Variants in ATRNL1 observed in about 807,000 individuals in gnomAD.
The protein encoded by ATRNL1 is attractin like 1.
Under a neutral mutation model 182.7 loss-of-function variants are expected in ATRNL1, and 95 were observed. That is an observed-to-expected ratio of 0.52 (90% CI 0.44 to 0.62). The LOEUF is 0.62. Ranked by LOEUF, ATRNL1 falls within the 20% of genes least tolerant of loss-of-function variation. ATRNL1 has a pLI of 0.00. For missense variants in ATRNL1, 1,471 were observed against 1,679.5 expected, an observed-to-expected ratio of 0.88 and a Z score of 2.17; for synonymous variants, 576 against 568.3, an observed-to-expected ratio of 1.01 and a Z score of -0.19.
At chr10:115,613,265 T>G (rs1857256747) in intron 26 of ATRNL1, among the ~76,000 whole-genome samples, 1 of 152,218 alleles carries the variant, frequency 6.6e-6, no homozygotes. Flanking sequence ...ATCAAACGTT[T>G]TGCCTATGTC....
chr10:115,731,456 G>C (rs1304682612), intron 27 of ATRNL1, among the ~76,000 whole-genome samples: 2 of 151,798 alleles, frequency 1.3e-5, no homozygotes, highest in Non-Finnish European at 2.9e-5. Flanking sequence ...TTTTCACTCA[G>C]TTCTCTTAAT....
chr10:115,609,105 G>A (rs1301297357), intron 26 of ATRNL1, among the ~76,000 whole-genome samples: 2 of 151,878 alleles, frequency 1.3e-5, no homozygotes, highest in Admixed American at 6.6e-5. Context: ...TTATTAAAAC[G>A]GGTTAACACT....
At chr10:115,625,549 A>T (rs1431268546) in intron 26 of ATRNL1, among the ~76,000 whole-genome samples, 1 of 152,072 alleles carries the variant, frequency 6.6e-6, no homozygotes, top group Non-Finnish European at 1.5e-5. Context: ...AAAGAAAGAA[A>T]AAATAGACCA....
intron 10 of ATRNL1, among the ~76,000 whole-genome samples, chr10:115,260,618 A>T (rs1238530318): frequency 6.6e-6 from 1 of 152,204 alleles, no homozygotes; most frequent in African/African-American, 2.4e-5. Flanking sequence ...AAAAAATAAG[A>T]AATTAGGGGA....
chr10:115,464,446 T>C (rs1554970402), intron 22 of ATRNL1, among the ~76,000 whole-genome samples: 3 of 152,080 alleles, frequency 2.0e-5, no homozygotes, highest in African/African-American at 7.2e-5. Flanking sequence ...AACTTATCCA[T>C]ATCTAACAAA....
chr10:115,485,960 T>G (rs1220832798), intron 24 of ATRNL1, among the ~76,000 whole-genome samples: 1 of 141,256 alleles, frequency 7.1e-6, no homozygotes, highest in Non-Finnish European at 1.5e-5. Context: ...GTGTTCTCAC[T>G]GTTCAACTCC....
At chr10:115,550,227 A>G (rs2769381) in intron 26 of ATRNL1, among the ~76,000 whole-genome samples, 107,262 of 151,498 alleles carry the variant, frequency 0.71, 39,155 homozygotes, top group African/African-American at 0.81. Context: ...TATTCAAAAA[A>G]CTAGTTTCTG....
At chr10:115,943,496 G>C (rs1440804811) in intron 28 of ATRNL1, among the ~76,000 whole-genome samples, 1 of 152,166 alleles carries the variant, frequency 6.6e-6, no homozygotes, top group Admixed American at 6.5e-5. Flanking sequence ...TATTAGAATG[G>C]CTAACACCTA....
At chr10:115,225,237 A>T (rs1320477067) in intron 9 of ATRNL1, among the ~76,000 whole-genome samples, 2 of 151,870 alleles carry the variant, frequency 1.3e-5, no homozygotes, top group African/African-American at 2.4e-5. Flanking sequence ...TGAAAGATGC[A>T]GAAAAAAGTA....
At chr10:115,832,494 T>C (rs188029552) in intron 27 of ATRNL1, among the ~76,000 whole-genome samples, 3 of 152,356 alleles carry the variant, frequency 2.0e-5, no homozygotes, top group Admixed American at 6.5e-5. Flanking sequence ...TCAAATCTCA[T>C]AGACTTTCTG....
intron 18 of ATRNL1, among the ~76,000 whole-genome samples, chr10:115,329,291 CT>C (rs1287018761): frequency 6.6e-6 from 1 of 152,008 alleles, no homozygotes; most frequent in African/African-American, 2.4e-5. Flanking sequence ...TTCATTAAGA[CT>C]TTTTTCCTAA....
intron 19 of ATRNL1, among the ~76,000 whole-genome samples, chr10:115,335,385 A>G (rs1554936384): frequency 6.6e-6 from 1 of 152,148 alleles, no homozygotes; most frequent in Non-Finnish European, 1.5e-5. Context: ...GCATATTAGA[A>G]CCAGCTGGAA....
intron 27 of ATRNL1, among the ~76,000 whole-genome samples, chr10:115,802,704 T>G (rs1949826023): frequency 6.6e-6 from 1 of 152,186 alleles, no homozygotes; most frequent in Non-Finnish European, 1.5e-5. Flanking sequence ...GACTTGGCTT[T>G]TAGTCTAAAT....
chr10:115,882,287 G>A (rs1251025372), intron 28 of ATRNL1, among the ~76,000 whole-genome samples: 6 of 152,182 alleles, frequency 3.9e-5, no homozygotes, highest in African/African-American at 1.4e-4. Context: ...TTAGGGGTGT[G>A]GCGGGCTTTG....
chr10:115,521,587 T>C (rs188306051), intron 25 of ATRNL1, among the ~76,000 whole-genome samples: 2 of 152,336 alleles, frequency 1.3e-5, no homozygotes, highest in Admixed American at 6.5e-5. Context: ...GCTTTTGAAT[T>C]TGTGTGCATA....
At chr10:115,826,353 G>T (rs752487050) in intron 27 of ATRNL1, among the ~76,000 whole-genome samples, 1 of 152,092 alleles carries the variant, frequency 6.6e-6, no homozygotes, top group Non-Finnish European at 1.5e-5. Context: ...CTTGGCGGGA[G>T]GGAGTGGCAG....
chr10:115,613,750 T>C (rs978904268), intron 26 of ATRNL1, among the ~76,000 whole-genome samples: 1 of 152,046 alleles, frequency 6.6e-6, no homozygotes, highest in African/African-American at 2.4e-5. Flanking sequence ...TCAATCTTGG[T>C]AAGTTTTATT....
At chr10:115,737,677 G>T (rs1225231395) in intron 27 of ATRNL1, among the ~76,000 whole-genome samples, 1 of 152,112 alleles carries the variant, frequency 6.6e-6, no homozygotes, top group African/African-American at 2.4e-5. Flanking sequence ...TGTTAATGTG[G>T]TAGTAGCATA....
intron 24 of ATRNL1, among the ~76,000 whole-genome samples, chr10:115,480,747 G>A (rs914139453): frequency 6.6e-6 from 1 of 150,990 alleles, no homozygotes; most frequent in Non-Finnish European, 1.5e-5. Flanking sequence ...ATTGAGTAGT[G>A]AAACCAGAGA....
Sources: gnomAD v4.1 joint callset for allele counts (sites outside exome capture counted in the v4.1 genomes callset) on GRCh38, gnomAD v4.1.1 for gene constraint, MANE v1.5 for transcripts, NCBI Gene and HGNC (gene_info 2026-07-23, HGNC 2026-07-21) for gene names.